CADM2: variants seen among roughly 807,000 people sequenced by gnomAD.
CADM2 encodes the protein cell adhesion molecule 2.
CADM2 carries 12 observed loss-of-function variants against 49.8 expected under a neutral mutation model. The observed-to-expected ratio is 0.24, with a 90% CI of 0.15 to 0.39. CADM2 has a LOEUF of 0.39. Among genes scored for constraint, CADM2 ranks in the 10% least tolerant of loss-of-function variants. The probability of loss-of-function intolerance (pLI) is 1.00; values close to 1 mark genes in which losing one functional copy is unlikely to be tolerated. For missense variants in CADM2, 378 were observed against 492.3 expected (o/e 0.77, Z 2.20); for synonymous variants, 214 against 175.4 (o/e 1.22, Z -1.74).
At chr3:85,900,322 T>A (rs570198284) in intron 5 of CADM2, among the ~76,000 whole-genome samples, 88 of 152,104 alleles carry the variant, frequency 5.8e-4, no homozygotes, top group Non-Finnish European at 1.1e-3. Flanking sequence ...TTGTTTAAGG[T>A]TTATGAGAAA....
At chr3:85,562,478 CAAAAAAAAAAA>C (rs10533481) in intron 1 of CADM2, among the ~76,000 whole-genome samples, 28 of 65,518 alleles carry the variant, frequency 4.3e-4, no homozygotes, top group African/African-American at 2.2e-3. Context: ...AACTCCATCT[CAAAAAAAAAAA>C]AAAAAAAAAA....
chr3:85,187,499 G>C (rs1354741561), intron 1 of CADM2, among the ~76,000 whole-genome samples: 1 of 151,792 alleles, frequency 6.6e-6, no homozygotes, highest in African/African-American at 2.4e-5. Flanking sequence ...CTCTATTTGA[G>C]AGAAAATATT....
intron 1 of CADM2, among the ~76,000 whole-genome samples, chr3:85,709,932 G>C (rs2107734525): frequency 6.6e-6 from 1 of 152,208 alleles, no homozygotes; most frequent in South Asian, 2.1e-4. Context: ...GCTGTAAATG[G>C]CTGCCTGCAG....
At chr3:85,755,213 A>T (rs2069054634) in intron 2 of CADM2, among the ~76,000 whole-genome samples, 1 of 152,142 alleles carries the variant, frequency 6.6e-6, no homozygotes, top group Non-Finnish European at 1.5e-5. Context: ...CTGACCCAAA[A>T]TGTGGGGGTT....
At chr3:85,447,807 T>C (rs1317417764) in intron 1 of CADM2, among the ~76,000 whole-genome samples, 2 of 152,200 alleles carry the variant, frequency 1.3e-5, no homozygotes, top group Non-Finnish European at 2.9e-5. Flanking sequence ...CATTATCTTT[T>C]TTCCATCTCT....
chr3:85,370,689 G>C (rs2033165086), intron 1 of CADM2, among the ~76,000 whole-genome samples: 1 of 152,070 alleles, frequency 6.6e-6, no homozygotes, highest in Admixed American at 6.6e-5. Flanking sequence ...CATTATTTTT[G>C]AATGTATTTC....
At chr3:85,236,542 A>G (rs1258877682) in intron 1 of CADM2, among the ~76,000 whole-genome samples, 1 of 152,238 alleles carries the variant, frequency 6.6e-6, no homozygotes, top group African/African-American at 2.4e-5. Flanking sequence ...AGATATAGTT[A>G]TTTGCCATTT....
chr3:85,250,945 C>T (rs908155665), intron 1 of CADM2, among the ~76,000 whole-genome samples: 2 of 151,690 alleles, frequency 1.3e-5, no homozygotes, highest in East Asian at 1.9e-4. Context: ...TCTTATGTTG[C>T]TGTTTTCATT....
At chr3:85,093,368 C>T (rs556747340) in intron 1 of CADM2, among the ~76,000 whole-genome samples, 2 of 151,712 alleles carry the variant, frequency 1.3e-5, no homozygotes, top group Non-Finnish European at 2.9e-5. Context: ...AAAATTAGCT[C>T]GGCGTGGTGG....
chr3:84,997,989 G>T (rs757921073), intron 1 of CADM2, among the ~76,000 whole-genome samples: 4 of 152,082 alleles, frequency 2.6e-5, no homozygotes, highest in Non-Finnish European at 5.9e-5. Flanking sequence ...ATTGCAAGCA[G>T]CCATTTTACT....
At chr3:85,309,754 A>G (rs1430442905) in intron 1 of CADM2, among the ~76,000 whole-genome samples, 1 of 152,164 alleles carries the variant, frequency 6.6e-6, no homozygotes, top group Non-Finnish European at 1.5e-5. Flanking sequence ...ATCTCTGTAG[A>G]TTCGCTAGGC....
intron 6 of CADM2, among the ~76,000 whole-genome samples, chr3:85,912,804 C>G (rs746881143): frequency 6.6e-6 from 1 of 151,990 alleles, no homozygotes; most frequent in Non-Finnish European, 1.5e-5. Flanking sequence ...TTAACGTAGG[C>G]GTGCACGTAA....
At chr3:85,808,255 C>A (rs543614284) in intron 3 of CADM2, among the ~76,000 whole-genome samples, 19 of 152,148 alleles carry the variant, frequency 1.2e-4, no homozygotes, top group Non-Finnish European at 2.2e-4. Context: ...GTCAGAGAGA[C>A]CTAGAATAGA....
intron 8 of CADM2, among the ~76,000 whole-genome samples, chr3:85,974,670 C>T (rs553496952): frequency 1.3e-5 from 2 of 151,760 alleles, no homozygotes; most frequent in African/African-American, 4.8e-5. Flanking sequence ...TGAAATTATA[C>T]TTCTGCATGT....
At chr3:85,797,231 G>C (rs534189741) in intron 2 of CADM2, among the ~76,000 whole-genome samples, 52 of 151,728 alleles carry the variant, frequency 3.4e-4, no homozygotes, top group African/African-American at 1.2e-3. Flanking sequence ...TTATTTTTTG[G>C]ATAGAAACCA....
chr3:85,706,238 C>A (rs771792913), intron 1 of CADM2, among the ~76,000 whole-genome samples: 1 of 152,176 alleles, frequency 6.6e-6, no homozygotes, highest in Non-Finnish European at 1.5e-5. Context: ...AATAACCCCA[C>A]TTCAGTATTA....
chr3:85,543,657 G>T (rs2061602085), intron 1 of CADM2, among the ~76,000 whole-genome samples: 1 of 152,108 alleles, frequency 6.6e-6, no homozygotes, highest in African/African-American at 2.4e-5. Flanking sequence ...ATAACAAACA[G>T]AAATTTATAG....
At chr3:85,551,108 C>G (rs1289467478) in intron 1 of CADM2, among the ~76,000 whole-genome samples, 6 of 152,234 alleles carry the variant, frequency 3.9e-5, no homozygotes, top group Non-Finnish European at 8.8e-5. Context: ...CTCAGACTCT[C>G]AAGAAGCTGG....
intron 1 of CADM2, among the ~76,000 whole-genome samples, chr3:85,132,808 C>A (rs1414891672): frequency 6.6e-6 from 1 of 152,108 alleles, no homozygotes; most frequent in East Asian, 1.9e-4. Flanking sequence ...TTTTTCCATG[C>A]AATCCACATG....
Sources: gnomAD v4.1 joint callset for allele counts (sites outside exome capture counted in the v4.1 genomes callset) on GRCh38, gnomAD v4.1.1 for gene constraint, MANE v1.5 for transcripts, NCBI Gene and HGNC (gene_info 2026-07-23, HGNC 2026-07-21) for gene names.